The following GRIA1 variants were observed in gnomAD, a reference collection of about 807,000 sequenced individuals.
GRIA1 encodes the protein glutamate ionotropic receptor AMPA type subunit 1, also known as glutamate receptor 1.
Under a neutral mutation model 99.2 loss-of-function variants are expected in GRIA1, and 31 were observed. That is an observed-to-expected ratio of 0.31 (90% CI 0.23 to 0.42). The LOEUF (loss-of-function observed/expected upper bound fraction) is 0.42, where lower values mean the gene tolerates loss of function less well. GRIA1 is among the 10% of genes least tolerant of loss of function. GRIA1 has a pLI of 1.00. For synonymous variants in GRIA1, 438 were observed against 432.4 expected, an observed-to-expected ratio of 1.01 and a Z score of -0.16; for missense variants, 782 against 1,157.5, an observed-to-expected ratio of 0.68 and a Z score of 4.71.
chr5:153,676,084 C>T (rs1444414782), intron 6 of GRIA1, among the ~76,000 whole-genome samples: 1 of 152,150 alleles, frequency 6.6e-6, no homozygotes, highest in Non-Finnish European at 1.5e-5. Context: ...GTCTTGATCT[C>T]CTGACCTTGT....
At chr5:153,674,713 C>T (rs749162628) in intron 6 of GRIA1, 52 bp downstream of exon 6, 7 of 1,563,716 alleles carry the variant, frequency 4.5e-6, no homozygotes, top group Non-Finnish European at 6.1e-6. Context: ...CCTTTGCCTG[C>T]CCCAGATTTC....
intron 11 of GRIA1, among the ~76,000 whole-genome samples, chr5:153,764,031 G>T (rs1363665141): frequency 6.6e-6 from 1 of 152,184 alleles, no homozygotes; most frequent in African/African-American, 2.4e-5. Context: ...TTTGCATCAT[G>T]TGTATAAATG....
chr5:153,605,582 C>G (rs1054480440), intron 2 of GRIA1, among the ~76,000 whole-genome samples: 5 of 152,148 alleles, frequency 3.3e-5, no homozygotes, highest in Admixed American at 1.3e-4. Flanking sequence ...AGTAGCTGTA[C>G]CAATTTACAC....
chr5:153,681,191 A>G (rs13359676), intron 7 of GRIA1, among the ~76,000 whole-genome samples: 21,947 of 152,090 alleles, frequency 0.14, 1,687 homozygotes, highest in South Asian at 0.19. Flanking sequence ...TAAGGGAGGA[A>G]GTGACAGGCT....
rs75842807 is a variant in GRIA1, at chr5:153,516,223, A to C, written c.220+22158A>C. Reference sequence around the variant, plus strand: ...CAACCGAGTGAGACTCTGTCTCAAAAAAATAAAAATAAGAAATCTACCATA... The same window carrying C: ...CAACCGAGTGAGACTCTGTCTCAAACAAATAAAAATAAGAAATCTACCATA... On this transcript the variant is annotated intron_variant, in intron 2 of 15. Coordinates refer to ENST00000285900, the MANE Select transcript of GRIA1 (RefSeq NM_000827.4). 1.4e-3 allele frequency among the ~76,000 whole-genome samples: 218 copies of C among 152,210 alleles called. 4 individuals carry two copies. In the East Asian group the frequency reaches 0.04, roughly 28 times the overall value.
At chr5:153,758,285 C>A (rs970251603) in intron 11 of GRIA1, among the ~76,000 whole-genome samples, 3 of 151,830 alleles carry the variant, frequency 2.0e-5, no homozygotes, top group African/African-American at 7.3e-5. Flanking sequence ...ATAAATAAGA[C>A]CCAATTATAT....
At chr5:153,644,717 G>A (rs940253691) in intron 2 of GRIA1, among the ~76,000 whole-genome samples, 71 of 152,044 alleles carry the variant, frequency 4.7e-4, no homozygotes, top group Middle Eastern at 3.4e-3. Context: ...AGGTGATGAA[G>A]CAAGATCTAT....
intron 11 of GRIA1, among the ~76,000 whole-genome samples, chr5:153,724,237 C>T (rs1195760866): frequency 6.6e-6 from 1 of 152,026 alleles, no homozygotes; most frequent in Non-Finnish European, 1.5e-5. Context: ...ACACCAAAAA[C>T]CCATCTGTAC....
At chr5:153,714,754 C>T (rs560665344) in intron 11 of GRIA1, among the ~76,000 whole-genome samples, 1 of 152,344 alleles carries the variant, frequency 6.6e-6, no homozygotes, top group South Asian at 2.1e-4. Flanking sequence ...GAGTTAGGTA[C>T]CACCATCCAA....
At chr5:153,740,829 C>T (rs931629961) in intron 11 of GRIA1, among the ~76,000 whole-genome samples, 3 of 152,166 alleles carry the variant, frequency 2.0e-5, no homozygotes, top group African/African-American at 7.2e-5. Flanking sequence ...TTCCAGATGG[C>T]AGTTTCTCTG....
chr5:153,624,194 G>C (rs1026822966), intron 2 of GRIA1, among the ~76,000 whole-genome samples: 52 of 152,136 alleles, frequency 3.4e-4, no homozygotes, highest in Non-Finnish European at 1.9e-4. Flanking sequence ...TATATAAAAA[G>C]AAGAAGATGA....
chr5:153,688,538 T>C (rs1324801626), intron 8 of GRIA1, among the ~76,000 whole-genome samples: 2 of 152,128 alleles, frequency 1.3e-5, no homozygotes, highest in Admixed American at 6.6e-5. Flanking sequence ...ATGTTACCTG[T>C]GTTAGTGGTT....
chr5:153,614,271 G>T (rs1041190893), intron 2 of GRIA1, among the ~76,000 whole-genome samples: 5 of 152,132 alleles, frequency 3.3e-5, no homozygotes, highest in Admixed American at 1.3e-4. Flanking sequence ...GCCCTATAAG[G>T]ACAAAGACCA....
chr5:153,791,358 T>G (rs925958921), intron 13 of GRIA1, among the ~76,000 whole-genome samples: 6 of 152,138 alleles, frequency 3.9e-5, no homozygotes, highest in Non-Finnish European at 8.8e-5. Flanking sequence ...TAGCATCTTA[T>G]GAAATGGCAT....
At chr5:153,616,284 C>T (rs1312296253) in intron 2 of GRIA1, among the ~76,000 whole-genome samples, 3 of 152,118 alleles carry the variant, frequency 2.0e-5, no homozygotes, top group Non-Finnish European at 4.4e-5. Context: ...CTTTATGCTC[C>T]TTTTAGAATC....
At chr5:153,541,916 G>C (rs1293345826) in intron 2 of GRIA1, among the ~76,000 whole-genome samples, 1 of 111,470 alleles carries the variant, frequency 9.0e-6, no homozygotes, top group East Asian at 2.9e-4. Context: ...GTGACAGAAC[G>C]AGATCCTGTT....
At position 153,566,906 on chromosome 5, in the gene GRIA1, G is replaced by A. The variant is rs150624065; in HGVS notation, c.220+72841G>A. On this transcript the variant is annotated intron_variant, in intron 2 of 15. Coordinates refer to ENST00000285900, the MANE Select transcript of GRIA1 (RefSeq NM_000827.4). Reference sequence around the variant, plus strand: ...TAATTTTTGTATTTTTGATAGAGACGGGGCTTCACCATATTGGCCAGGCTG... The same window carrying A: ...TAATTTTTGTATTTTTGATAGAGACAGGGCTTCACCATATTGGCCAGGCTG... 1.3e-3 allele frequency among the ~76,000 whole-genome samples: 200 copies of A among 151,600 alleles called. 1 individual carries two copies. The highest frequency in any genetic ancestry group is 4.6e-3 in the African/African-American group (190 of 41,348).
rs756673958 is a variant in GRIA1, at chr5:153,493,890, C to G, written c.83-38C>G. On this transcript the variant is annotated intron_variant, in intron 1 of 15. Transcript: ENST00000285900. ...AGTCGTGAGGAACTAAAACCTGTCT[C>G]TAGCCCATATACCATGTTGCATTTT... 4.2e-5 allele frequency: 67 copies of G among 1,611,846 alleles called. No individual in the cohort carries two copies. In the South Asian group the frequency reaches 7.3e-4, roughly 17 times the overall value.
At chr5:153,677,853 T>G (rs1756700839) in intron 7 of GRIA1, among the ~76,000 whole-genome samples, 1 of 152,218 alleles carries the variant, frequency 6.6e-6, no homozygotes, top group East Asian at 1.9e-4. Flanking sequence ...TTTTGGGGAC[T>G]TGCCCTCAGC....
Sources: allele counts gnomAD v4.1 joint callset (sites outside exome capture counted in the v4.1 genomes callset), GRCh38; gene constraint gnomAD v4.1.1; transcripts MANE v1.5; gene names NCBI Gene and HGNC (gene_info 2026-07-23, HGNC 2026-07-21).